The following ADAM23 variants were observed in gnomAD, a reference collection of about 807,000 sequenced individuals.
ADAM23 encodes ADAM metallopeptidase domain 23.
In ADAM23, 33 loss-of-function variants were observed where a neutral mutation model predicts 120.1. The ratio of observed to expected loss-of-function variants is 0.27; its 90% CI spans 0.21 to 0.37. ADAM23 has a LOEUF of 0.37. Ranked by LOEUF, ADAM23 falls within the 10% of genes least tolerant of loss-of-function variation. The pLI, the probability that ADAM23 is intolerant of heterozygous loss-of-function variation, is 1.00. For missense variants in ADAM23, 862 were observed against 1,058.2 expected, an observed-to-expected ratio of 0.81 and a Z score of 2.57; for synonymous variants, 367 against 375.2, an observed-to-expected ratio of 0.98 and a Z score of 0.25.
At chr2:206,554,170 G>C (rs1697592106) in intron 9 of ADAM23, among the ~76,000 whole-genome samples, 1 of 151,144 alleles carries the variant, frequency 6.6e-6, no homozygotes, top group South Asian at 2.1e-4. Context: ...TTTAACGTTG[G>C]CTGCCTGAAA....
chr2:206,605,927 G>T, intron 24 of ADAM23: 3 of 621,638 alleles, frequency 4.8e-6, no homozygotes. Context: ...GGTGCCTGAT[G>T]TGTGAGGCGA....
chr2:206,501,135 A>G (rs1458345317), intron 3 of ADAM23, among the ~76,000 whole-genome samples: 1 of 152,104 alleles, frequency 6.6e-6, no homozygotes, highest in Non-Finnish European at 1.5e-5. Context: ...CCTGTTTCCA[A>G]GAACAACTTG....
At chr2:206,599,823 G>C (rs1032461433) in intron 24 of ADAM23, among the ~76,000 whole-genome samples, 5 of 152,198 alleles carry the variant, frequency 3.3e-5, no homozygotes, top group South Asian at 4.1e-4. Flanking sequence ...CGAGTAATAG[G>C]TAATGGACTC....
intron 2 of ADAM23, among the ~76,000 whole-genome samples, chr2:206,465,053 T>C (rs745436806): frequency 1.3e-5 from 2 of 152,264 alleles, no homozygotes; most frequent in South Asian, 4.1e-4. Flanking sequence ...TTTCTTTCTT[T>C]GTTTTTCTTA....
intron 2 of ADAM23, among the ~76,000 whole-genome samples, chr2:206,468,597 T>C (rs1695589273): frequency 6.6e-6 from 1 of 152,182 alleles, no homozygotes; most frequent in Non-Finnish European, 1.5e-5. Flanking sequence ...AACTAGTCTC[T>C]AGGAAGTTCC....
At chr2:206,604,741 T>A (rs1056430319) in intron 24 of ADAM23, among the ~76,000 whole-genome samples, 3 of 152,198 alleles carry the variant, frequency 2.0e-5, no homozygotes, top group African/African-American at 7.2e-5. Flanking sequence ...GTGAGCCCAA[T>A]TGTAAGCCTT....
At chr2:206,587,522 C>T (rs1047961069) in intron 19 of ADAM23, 147 bp downstream of exon 19, 86 of 542,782 alleles carry the variant, frequency 1.6e-4, no homozygotes, top group Middle Eastern at 5.1e-4. Flanking sequence ...AGAGTTGCTT[C>T]ATGTTATGCC....
At chr2:206,472,033 G>A (rs748754105) in intron 2 of ADAM23, among the ~76,000 whole-genome samples, 4 of 152,166 alleles carry the variant, frequency 2.6e-5, no homozygotes, top group Non-Finnish European at 5.9e-5. Context: ...ATCACTAACA[G>A]TAAATGTATA....
Position 206,539,275 on chromosome 2 carries a change from A to G in ADAM23, c.574-2777A>G, listed in dbSNP as rs572099951. Among the ~76,000 whole-genome samples, 43 of 152,288 alleles carry G rather than the reference A, an allele frequency of 2.8e-4. 1 individual carries two copies. The South Asian group carries it at 3.5e-3, about 12-fold the overall frequency. On this transcript the variant is annotated intron_variant, in intron 4 of 25. Coordinates refer to ENST00000264377, the MANE Select transcript of ADAM23 (RefSeq NM_003812.4). ...TGCTCCATTTCTGTTGAATTTAATT[A>G]ACTGACAGTTTTGGATCCGAAAATG... is the stretch of plus-strand genomic sequence containing the variant.
chr2:206,447,288 G>A (rs1162707102), intron 2 of ADAM23, among the ~76,000 whole-genome samples: 1 of 152,170 alleles, frequency 6.6e-6, no homozygotes, highest in Non-Finnish European at 1.5e-5. Flanking sequence ...TGAAAAGAAT[G>A]TTTCTACAGA....
At chr2:206,552,108 A>G (rs754422303) in intron 9 of ADAM23, among the ~76,000 whole-genome samples, 9 of 152,156 alleles carry the variant, frequency 5.9e-5, no homozygotes, top group Non-Finnish European at 1.3e-4. Context: ...GCATTGTGGC[A>G]TGTTGTGAAA....
At chr2:206,573,471 T>C (rs1698046630) in intron 18 of ADAM23, among the ~76,000 whole-genome samples, 1 of 152,192 alleles carries the variant, frequency 6.6e-6, no homozygotes, top group South Asian at 2.1e-4. Flanking sequence ...CATTGAACCA[T>C]TGAACCCTCA....
chr2:206,531,858 A>G (rs150508614), intron 4 of ADAM23, among the ~76,000 whole-genome samples: 1 of 152,344 alleles, frequency 6.6e-6, no homozygotes, highest in East Asian at 1.9e-4. Context: ...CATATAGGTA[A>G]CTGGGATTTT....
At chr2:206,448,481 T>C (rs755813003) in intron 2 of ADAM23, among the ~76,000 whole-genome samples, 11 of 141,052 alleles carry the variant, frequency 7.8e-5, no homozygotes, top group Non-Finnish European at 1.8e-4. Context: ...CGAAGACCGT[T>C]GGAATCTCCA....
chr2:206,592,764 A>G, intron 22 of ADAM23, 28 bp downstream of exon 22: 1 of 1,598,476 alleles, frequency 6.3e-7, no homozygotes, highest in Non-Finnish European at 8.5e-7. Flanking sequence ...AGAAGACCTA[A>G]TAAGCCATGA....
chr2:206,605,122 C>T (rs916144136), intron 24 of ADAM23, among the ~76,000 whole-genome samples: 11 of 152,220 alleles, frequency 7.2e-5, no homozygotes, highest in African/African-American at 2.7e-4. Flanking sequence ...TGATAGTCAT[C>T]TACCACTTGG....
intron 8 of ADAM23, 84 bp from the exon 9 acceptor site, chr2:206,550,011 A>C (rs2105813406): frequency 1.3e-6 from 1 of 775,038 alleles, no homozygotes. Flanking sequence ...CTGAAATTCA[A>C]AGTCTTATCT....
chr2:206,620,358 A>G lies in ADAM23; in HGVS notation c.*2731A>G, dbSNP rs1004653960. The G allele has an allele frequency of 6.6e-6, 1 of 152,206 alleles. No homozygotes were observed. The highest frequency in any genetic ancestry group is 2.4e-5 in the African/African-American group (1 of 41,450). The allele number at this position is 152,206 out of a possible 1,614,324, so 9.4% of individuals were successfully genotyped here. On this transcript the variant is annotated 3_prime_UTR_variant, in exon 26 of 26. Coordinates refer to ENST00000264377, the MANE Select transcript of ADAM23 (RefSeq NM_003812.4). ...TGTTAAATTATTTGTGTATATGTAA[A>G]ATACACAAGCTTTAAGCTATGTGTG...
chr2:206,449,399 C>T (rs539257094), intron 2 of ADAM23, among the ~76,000 whole-genome samples: 9 of 152,312 alleles, frequency 5.9e-5, no homozygotes, highest in East Asian at 3.9e-4. Context: ...TAGATTCATT[C>T]ATTCATTCTG....
Sources: gnomAD v4.1 joint callset for allele counts (sites outside exome capture counted in the v4.1 genomes callset) on GRCh38, gnomAD v4.1.1 for gene constraint, MANE v1.5 for transcripts, NCBI Gene and HGNC (gene_info 2026-07-23, HGNC 2026-07-21) for gene names.